The following FLYWCH1 variants were observed in gnomAD, a reference collection of about 807,000 sequenced individuals.
FLYWCH1 encodes the protein FLYWCH-type zinc finger-containing protein 1.
FLYWCH1 carries 75 observed loss-of-function variants against 66.4 expected under a neutral mutation model. That is an observed-to-expected ratio of 1.13 (90% CI 0.94 to 1.37). The LOEUF (loss-of-function observed/expected upper bound fraction) is 1.37, where lower values mean the gene tolerates loss of function less well. FLYWCH1 is among the 40% of genes most tolerant of loss of function. The pLI, the probability that FLYWCH1 is intolerant of heterozygous loss-of-function variation, is 0.00. For synonymous variants in FLYWCH1, 595 were observed against 429.9 expected (o/e 1.38, Z -4.75); for missense variants, 1,334 against 1,001.8 (o/e 1.33, Z -4.48).
At chr16:2,930,950 A>G in intron 4 of FLYWCH1, 70 bp downstream of exon 4, 2 of 1,212,078 alleles carry the variant, frequency 1.7e-6, no homozygotes, top group South Asian at 1.4e-5. Flanking sequence ...CTCAGCCCAA[A>G]TAGAAATGTG....
At position 2,948,877 on chromosome 16, in the gene FLYWCH1, C is replaced by T. The variant is rs746491234; in HGVS notation, c.*150C>T. ...GTCTTCGCGTCTCCTCAGGAGGTCT[C>T]CCAGGAGGAATTCTTGGATGGTGTC... On this transcript the variant is annotated 3_prime_UTR_variant, in exon 10 of 10. Coordinates refer to ENST00000253928, the MANE Select transcript of FLYWCH1 (RefSeq NM_001308068.2). 1 of 658,148 alleles carries T rather than the reference C, an allele frequency of 1.5e-6. No homozygotes were observed. The highest frequency in any genetic ancestry group is 2.6e-6 in the Non-Finnish European group (1 of 378,978). 40.8% of individuals were successfully genotyped at this position (658,148 alleles called of 1,614,324 possible).
At chr16:2,913,813 C>T (rs926854990) in intron 1 of FLYWCH1, among the ~76,000 whole-genome samples, 2 of 152,016 alleles carry the variant, frequency 1.3e-5, no homozygotes, top group Non-Finnish European at 2.9e-5. Context: ...GGTTCAGTTG[C>T]GGGTAGGTGG....
chr16:2,929,573 A>G (rs987868971), intron 2 of FLYWCH1, 40 bp from the exon 3 acceptor site: 4 of 1,359,056 alleles, frequency 2.9e-6, no homozygotes, highest in African/African-American at 1.5e-5. Context: ...GAGTCCCCCA[A>G]GGGCTTCCAC....
chr16:2,935,879 G>A (rs2070977389), intron 6 of FLYWCH1: 1 of 151,898 alleles, frequency 6.6e-6, no homozygotes, highest in Non-Finnish European at 1.5e-5. Flanking sequence ...TGTTGCTCCT[G>A]TTAATCAGAT....
In FLYWCH1 at chr16:2,929,784, C is replaced by T. The variant is rs764034113; in HGVS notation, c.99C>T (p.Pro33=). Residue 33 remains proline, a synonymous_variant, in exon 3 of 10, where the codon CCC becomes CCT. Coordinates refer to ENST00000253928, the MANE Select transcript of FLYWCH1 (RefSeq NM_001308068.2). ...KPGTDVIPAA[P]RKPREFSKLV... is the part of the protein sequence containing the mutation. Reference sequence around the variant, plus strand: ...GCACGGACGTCATCCCGGCAGCCCCCAGGAAGCCCAGGGAGTTCTCCAAAC... The same window carrying T: ...GCACGGACGTCATCCCGGCAGCCCCTAGGAAGCCCAGGGAGTTCTCCAAAC... 1 of 1,613,924 alleles carries T rather than the reference C, an allele frequency of 6.2e-7. No individual in the cohort carries two copies. The highest frequency in any genetic ancestry group is 8.5e-7 in the Non-Finnish European group (1 of 1,179,868).
At chr16:2,944,095 C>CAGAAATAAAAG (rs2151017349) in intron 9 of FLYWCH1, among the ~76,000 whole-genome samples, 1 of 152,106 alleles carries the variant, frequency 6.6e-6, no homozygotes, top group Non-Finnish European at 1.5e-5. Context: ...GAACCTGTCT[C>CAGAAATAAAAG]AGAAATAAAA....
chr16:2,930,316 C>G, intron 3 of FLYWCH1, 94 bp from the exon 4 acceptor site: 1 of 760,058 alleles, frequency 1.3e-6, no homozygotes, highest in South Asian at 2.0e-5. Flanking sequence ...AGGCACCTGC[C>G]ATACTCAGGA....
chr16:2,942,557 C>G (rs1002452373), intron 9 of FLYWCH1, among the ~76,000 whole-genome samples: 1 of 148,352 alleles, frequency 6.7e-6, no homozygotes, highest in Non-Finnish European at 1.5e-5. Context: ...TACCAGCAAA[C>G]AGAATCCAGC....
At chr16:2,935,487 C>T (rs1018547477) in intron 6 of FLYWCH1, 1 of 152,310 alleles carries the variant, frequency 6.6e-6, no homozygotes, top group Non-Finnish European at 1.5e-5. Flanking sequence ...CTCCCTGCTT[C>T]TGGGCCTGCC....
rs774176037 is a variant in FLYWCH1, at chr16:2,933,274, G to T, written c.941G>T (p.Ser314Ile). 1.2e-6 allele frequency: 2 copies of T among 1,612,936 alleles called. No individual in the cohort carries two copies. Among genetic ancestry groups the T allele is most frequent in the South Asian group, 2.2e-5 (2 of 90,994 alleles). Residue 314 changes from serine to isoleucine, a missense_variant, in exon 5 of 10, where the codon AGC becomes ATC. Transcript: ENST00000253928. ...GACCACGCGCTGCACGGCTGCCGGA[G>T]CCGGGCCATCACCCAGGGACAGCGG... ...CRDHALHGCRSRAITQGQRVT... is the reference protein window; with the variant it reads ...CRDHALHGCRIRAITQGQRVT...
intron 2 of FLYWCH1, among the ~76,000 whole-genome samples, chr16:2,926,850 G>C (rs2070584684): frequency 6.6e-6 from 1 of 152,114 alleles, no homozygotes; most frequent in Non-Finnish European, 1.5e-5. Context: ...AAACCACAAT[G>C]GCCAACTCCT....
At chr16:2,935,241 G>C (rs1391289256) in intron 6 of FLYWCH1, 1 of 152,520 alleles carries the variant, frequency 6.6e-6, no homozygotes, top group African/African-American at 2.4e-5. Context: ...TTTCACTTTA[G>C]CCTAGAAACC....
chr16:2,918,445 C>G (rs1398921401), intron 2 of FLYWCH1, among the ~76,000 whole-genome samples: 2 of 137,044 alleles, frequency 1.5e-5, no homozygotes, highest in Admixed American at 7.4e-5. Context: ...CCGCGCCAGG[C>G]TTTTTTTTTT....
At chr16:2,927,827 A>C (rs1356575176) in intron 2 of FLYWCH1, among the ~76,000 whole-genome samples, 1 of 152,242 alleles carries the variant, frequency 6.6e-6, no homozygotes, top group Admixed American at 6.5e-5. Context: ...GAGACAAAGT[A>C]TATAGAAAAC....
At chr16:2,939,080 A>ATCTT (rs1387986878) in intron 8 of FLYWCH1, among the ~76,000 whole-genome samples, 1 of 152,040 alleles carries the variant, frequency 6.6e-6, no homozygotes, top group Non-Finnish European at 1.5e-5. Flanking sequence ...GCCAAAACCA[A>ATCTT]TCTTTAGAAA....
At chr16:2,917,617 T>C (rs969897256) in intron 2 of FLYWCH1, among the ~76,000 whole-genome samples, 1 of 152,182 alleles carries the variant, frequency 6.6e-6, no homozygotes, top group Non-Finnish European at 1.5e-5. Context: ...TCAGGTATTT[T>C]AGTGCCCAGC....
At chr16:2,918,474 C>T (rs566275511) in intron 2 of FLYWCH1, among the ~76,000 whole-genome samples, 3 of 136,308 alleles carry the variant, frequency 2.2e-5, no homozygotes, top group Non-Finnish European at 4.7e-5. Flanking sequence ...GAGTTTTGCT[C>T]TTGTTGCCCA....
intron 2 of FLYWCH1, among the ~76,000 whole-genome samples, chr16:2,922,017 C>A (rs113838697): frequency 3.9e-5 from 6 of 152,232 alleles, no homozygotes; most frequent in African/African-American, 1.4e-4. Flanking sequence ...GAACTGAGAT[C>A]GTGCCACTGC....
chr16:2,939,045 T>A (rs1320329826), intron 8 of FLYWCH1, among the ~76,000 whole-genome samples: 2 of 152,032 alleles, frequency 1.3e-5, no homozygotes, highest in African/African-American at 4.8e-5. Context: ...GTAACTGGGA[T>A]TACAGGTGTG....
Sources: gnomAD v4.1 joint callset for allele counts (sites outside exome capture counted in the v4.1 genomes callset) on GRCh38, gnomAD v4.1.1 for gene constraint, MANE v1.5 for transcripts, NCBI Gene and HGNC (gene_info 2026-07-23, HGNC 2026-07-21) for gene names.